The following POLQ variants were observed in gnomAD, a reference collection of about 807,000 sequenced individuals.
POLQ encodes epididymis secretory sperm binding protein.
In POLQ, 233 loss-of-function variants were observed where a neutral mutation model predicts 259.2. The observed-to-expected ratio is 0.90, with a 90% CI of 0.81 to 1.00. The LOEUF (loss-of-function observed/expected upper bound fraction) is 1.00, where lower values mean the gene tolerates loss of function less well. Ranked by LOEUF, POLQ falls within the 50% of genes least tolerant of loss-of-function variation. POLQ has a pLI of 0.00. For missense variants in POLQ, 2,871 were observed against 3,051.6 expected (o/e 0.94, Z 1.39); for synonymous variants, 1,025 against 1,048.8 (o/e 0.98, Z 0.44).
Position 121,522,120 on chromosome 3 carries a change from C to G in POLQ, c.1138G>C (p.Val380Leu), listed in dbSNP as rs143855278. 977 of 1,607,892 alleles carry G rather than the reference C, an allele frequency of 6.1e-4. 1 individual carries two copies. Among genetic ancestry groups the G allele is most frequent in the Non-Finnish European group, 7.5e-4 (879 of 1,178,156 alleles). The change falls in exon 8 of 30, where the codon GTA (valine) becomes CTA (leucine). Residue 380 changes from valine to leucine, a missense_variant. By Grantham distance (32) the Val-to-Leu change is conservative (BLOSUM62 1). Transcript: ENST00000264233. ...GLVKPSECPP[V>L]ILEQKELLEV... ...AGGAGTTCTTTTTGTTCCAGAATTA[C>G]TGGTGGGCATTCAGAGGGTTTCACC...
chr3:121,481,760 A>G lies in POLQ; in HGVS notation c.6023T>C (p.Ile2008Thr). The G allele has an allele frequency of 1.2e-6, 2 of 1,613,810 alleles. No homozygotes were observed. Among genetic ancestry groups the G allele is most frequent in the Non-Finnish European group, 1.7e-6 (2 of 1,179,772 alleles). Residue 2008 changes from isoleucine to threonine, a missense_variant, in exon 19 of 30, where the codon ATA becomes ACA. Transcript: ENST00000264233. ...CTCATGAGGAAGAAAACTGGTAACTATGCTATGAAGAGTCGGCTCCTGAGA... is the reference window on the plus strand; with the variant it reads ...CTCATGAGGAAGAAAACTGGTAACTGTGCTATGAAGAGTCGGCTCCTGAGA... Reference protein sequence around the residue: ...PDSQEPTLHSIVTSFLPHELP... With the variant: ...PDSQEPTLHSTVTSFLPHELP...
At chr3:121,500,634 A>G (rs1194526271) in intron 12 of POLQ, among the ~76,000 whole-genome samples, 2 of 152,194 alleles carry the variant, frequency 1.3e-5, no homozygotes, top group Non-Finnish European at 2.9e-5. Context: ...GAGAAGATAG[A>G]AAGGAAAAGG....
At chr3:121,539,301 C>A (rs530838090) in intron 4 of POLQ, 132 bp downstream of exon 4, 101 of 672,784 alleles carry the variant, frequency 1.5e-4, no homozygotes, top group Non-Finnish European at 2.2e-4. Context: ...ATTACAGATG[C>A]CAATCCTTGC....
chr3:121,435,253 A>T (rs961246538), intron 28 of POLQ, among the ~76,000 whole-genome samples: 3 of 152,220 alleles, frequency 2.0e-5, no homozygotes, highest in African/African-American at 7.2e-5. Flanking sequence ...TGACAGAAGA[A>T]AAAAAGAAAA....
At chr3:121,516,004 T>A (rs1214550472) in intron 9 of POLQ, among the ~76,000 whole-genome samples, 1 of 151,348 alleles carries the variant, frequency 6.6e-6, no homozygotes, top group African/African-American at 2.4e-5. Context: ...AAGAGAAATC[T>A]TAGAGATGAA....
At chr3:121,521,877 A>G in intron 8 of POLQ, 126 bp downstream of exon 8, 1 of 690,778 alleles carries the variant, frequency 1.4e-6, no homozygotes, top group Non-Finnish European at 2.2e-6. Flanking sequence ...AGCCCACACA[A>G]TTTCTTAAAA....
At chr3:121,493,906 A>G (rs908039416) in intron 14 of POLQ, among the ~76,000 whole-genome samples, 185 bp from the exon 15 acceptor site, 3 of 152,196 alleles carry the variant, frequency 2.0e-5, no homozygotes, top group African/African-American at 7.2e-5. Flanking sequence ...TGGACAATAA[A>G]TGTGCTAAGT....
chr3:121,468,303 A>C lies in POLQ; in HGVS notation c.6845+2T>G. On this transcript the variant is annotated splice_donor_variant, in intron 23 of 29. Coordinates refer to ENST00000264233, the MANE Select transcript of POLQ (RefSeq NM_199420.4). LOFTEE classifies it high-confidence loss of function. Reference sequence around the variant, plus strand: ...ATACAGATACAGAGAAACAGCACCTACCTGCCCATGGGAAGTAGGCCTTTG... The same window carrying C: ...ATACAGATACAGAGAAACAGCACCTCCCTGCCCATGGGAAGTAGGCCTTTG... 6.2e-7 allele frequency: 1 copy of C among 1,610,698 alleles called. No individual in the cohort carries two copies. Among genetic ancestry groups the C allele is most frequent in the South Asian group, 1.1e-5 (1 of 90,196 alleles).
Position 121,510,194 on chromosome 3 carries a change from G to A in POLQ, c.1661C>T (p.Ala554Val). Residue 554 changes from alanine (A) to valine (V), a missense_variant, in exon 11 of 30, where the codon GCT becomes GTT. By Grantham distance (64) the Ala-to-Val change is moderately conservative (BLOSUM62 0). Transcript: ENST00000264233. ...ACTTGCAGCCAAAAATGTGCAGGCAGCATAAGTATGCATATCTTGTGATGT... is the reference window on the plus strand; with the variant it reads ...ACTTGCAGCCAAAAATGTGCAGGCAACATAAGTATGCATATCTTGTGATGT... ...ASTSQDMHTY[A>V]ACTFLAASMK... The A allele has an allele frequency of 6.2e-7, 1 of 1,613,366 alleles. No homozygotes were observed. The highest frequency in any genetic ancestry group is 8.5e-7 in the Non-Finnish European group (1 of 1,179,268).
intron 20 of POLQ, among the ~76,000 whole-genome samples, chr3:121,475,852 A>G (rs529806612): frequency 6.6e-6 from 1 of 152,310 alleles, no homozygotes; most frequent in Admixed American, 6.5e-5. Context: ...CTTGTGCTGA[A>G]ACAGAGATTC....
chr3:121,489,694 T>C lies in POLQ; in HGVS notation c.3237A>G (p.Glu1079=). The C allele has an allele frequency of 6.2e-7, 1 of 1,613,706 alleles. No homozygotes were observed. Among genetic ancestry groups the C allele is most frequent in the Non-Finnish European group, 8.5e-7 (1 of 1,179,898 alleles). The stretch of plus-strand genomic sequence containing the variant: ...TCTTCTCATCTAAGGTAAACGGGTC[T>C]TCACAAAGACTAGGATTAGACAGAG... ...GQTLSNPSLC[E]DPFTLDEKKT... Residue 1079 remains glutamate, a synonymous_variant, in exon 16 of 30, where the codon GAA becomes GAG. Transcript: ENST00000264233.
intron 26 of POLQ, among the ~76,000 whole-genome samples, chr3:121,440,742 A>G (rs748293434): frequency 9.2e-5 from 14 of 152,002 alleles, no homozygotes; most frequent in African/African-American, 1.4e-4. Context: ...ATTCCACATC[A>G]CTTTTCACAA....
intron 14 of POLQ, among the ~76,000 whole-genome samples, chr3:121,495,901 C>T (rs1265638557): frequency 6.7e-6 from 1 of 149,272 alleles, no homozygotes. Context: ...CTACCACTAT[C>T]TCTTCTCATC....
At chr3:121,463,763 C>G (rs1167201109) in intron 24 of POLQ, among the ~76,000 whole-genome samples, 1 of 152,074 alleles carries the variant, frequency 6.6e-6, no homozygotes, top group Non-Finnish European at 1.5e-5. Context: ...TCATTAAAAA[C>G]TTCTTTTTTT....
chr3:121,493,513 C>T lies in POLQ; in HGVS notation c.2487G>A (p.Val829=), dbSNP rs1408469478. Residue 829 remains valine (V), a synonymous_variant, in exon 15 of 30, where the codon GTG becomes GTA. Coordinates refer to ENST00000264233, the MANE Select transcript of POLQ (RefSeq NM_199420.4). ...GCACAGCATTTTTCAGAATCACCTC[C>T]ACCTCCACAATATTTGCTCTAGCAA... ...ADLARANIVE[V]EVILKNAVPF... 2 of 1,613,656 alleles carry T rather than the reference C, an allele frequency of 1.2e-6. No homozygotes were observed. Among genetic ancestry groups the T allele is most frequent in the Non-Finnish European group, 1.7e-6 (2 of 1,179,708 alleles).
chr3:121,532,539 T>C (rs941420060), intron 6 of POLQ, among the ~76,000 whole-genome samples: 14 of 151,984 alleles, frequency 9.2e-5, no homozygotes, highest in African/African-American at 3.2e-4. Flanking sequence ...TCTTACTCTG[T>C]TGCCCAGGCT....
At chr3:121,475,116 C>T (rs1207125423) in intron 20 of POLQ, among the ~76,000 whole-genome samples, 2 of 152,152 alleles carry the variant, frequency 1.3e-5, no homozygotes, top group Non-Finnish European at 2.9e-5. Context: ...TCGATTCCTC[C>T]TGTTTATCTG....
At chr3:121,502,110 G>A (rs961727776) in intron 12 of POLQ, among the ~76,000 whole-genome samples, 11 of 152,098 alleles carry the variant, frequency 7.2e-5, no homozygotes, top group Non-Finnish European at 1.6e-4. Context: ...AATTATGTGG[G>A]TACATATAAA....
At chr3:121,455,020 A>G (rs1367777978) in intron 25 of POLQ, among the ~76,000 whole-genome samples, 4 of 152,206 alleles carry the variant, frequency 2.6e-5, no homozygotes, top group Non-Finnish European at 4.4e-5. Flanking sequence ...AACAGAAATT[A>G]TAATAAACTG....
Sources: allele counts gnomAD v4.1 joint callset (sites outside exome capture counted in the v4.1 genomes callset), GRCh38; gene constraint gnomAD v4.1.1; transcripts MANE v1.5; gene names NCBI Gene and HGNC (gene_info 2026-07-23, HGNC 2026-07-21).